Variants in ANKS6 observed in about 807,000 individuals in gnomAD.
ANKS6 encodes ankyrin repeat and SAM domain-containing protein 6.
In ANKS6, 47 loss-of-function variants were observed where a neutral mutation model predicts 77.9. The ratio of observed to expected loss-of-function variants is 0.60; its 90% CI spans 0.48 to 0.77. The LOEUF (loss-of-function observed/expected upper bound fraction) is 0.77, where lower values mean the gene tolerates loss of function less well. Ranked by LOEUF, ANKS6 falls within the 30% of genes least tolerant of loss-of-function variation. ANKS6 has a pLI of 0.00. For missense variants in ANKS6, 1,150 were observed against 1,159.1 expected (o/e 0.99, Z 0.11); for synonymous variants, 488 against 501.7 (o/e 0.97, Z 0.37).
chr9:98,736,475 C>A lies in ANKS6; in HGVS notation c.*44G>T. The A allele has an allele frequency of 6.4e-7, 1 of 1,560,008 alleles. No homozygotes were observed. Among genetic ancestry groups the A allele is most frequent in the Non-Finnish European group, 8.7e-7 (1 of 1,150,882 alleles). ...TGGGGCTGTGGCCACGTGAAGGGGT[C>A]CCGGGATTCAGAGAGCTCACGCTGG... is the stretch of plus-strand genomic sequence containing the variant. On this transcript the variant is annotated 3_prime_UTR_variant, in exon 15 of 15. Coordinates refer to ENST00000353234, the MANE Select transcript of ANKS6 (RefSeq NM_173551.5).
At position 98,796,085 on chromosome 9, in the gene ANKS6, G is replaced by A. The variant is rs1018797870; in HGVS notation, c.359+48C>T. The A allele has an allele frequency of 1.1e-5, 14 of 1,284,240 alleles. No individual in the cohort carries two copies. The African/African-American group carries it at 2.2e-4, about 20-fold the overall frequency. The allele number at this position is 1,284,240 out of a possible 1,614,324, so 79.6% of individuals were successfully genotyped here. ...CCGCCGGGGACCGCGTCTCGGGCCA[G>A]CGCCGGGCACCACTCTGGTCCCGGG... On this transcript the variant is annotated intron_variant, in intron 1 of 14. Coordinates refer to ENST00000353234, the MANE Select transcript of ANKS6 (RefSeq NM_173551.5).
At chr9:98,773,779 C>T in intron 9 of ANKS6, 98 bp downstream of exon 9, 1 of 1,184,920 alleles carries the variant, frequency 8.4e-7, no homozygotes. Context: ...AGTTGCAACC[C>T]CTCTGGATTC....
Position 98,778,520 on chromosome 9 carries a change from T to C in ANKS6, c.1369-96A>G, listed in dbSNP as rs548797829. 7.1e-5 allele frequency: 84 copies of C among 1,180,250 alleles called. 2 individuals carry two copies. In the South Asian group the frequency reaches 1.0e-3, roughly 15 times the overall value. The allele number at this position is 1,180,250 out of a possible 1,614,324, so 73.1% of individuals were successfully genotyped here. A position where few individuals can be genotyped will look rare whatever the true frequency, so the allele number is the denominator to read the frequency against. ...CCCAGAGACAGTGACTACATTCACA[T>C]GTGCCTGCCCTCCCCTCTCCTGGGG... On this transcript the variant is annotated intron_variant, in intron 6 of 14. Coordinates refer to ENST00000353234, the MANE Select transcript of ANKS6 (RefSeq NM_173551.5).
At chr9:98,765,330 G>A (rs1032547386) in intron 11 of ANKS6, among the ~76,000 whole-genome samples, 13 of 152,166 alleles carry the variant, frequency 8.5e-5, no homozygotes, top group Non-Finnish European at 1.6e-4. Context: ...CTCAATATCC[G>A]TTGAGTGGTA....
intron 11 of ANKS6, among the ~76,000 whole-genome samples, chr9:98,761,895 C>A (rs1833033669): frequency 6.6e-6 from 1 of 151,956 alleles, no homozygotes. Context: ...TTTTTTGTAC[C>A]TCAATATAAA....
chr9:98,774,190 C>T, intron 8 of ANKS6, 110 bp from the exon 9 acceptor site: 1 of 1,004,724 alleles, frequency 1.0e-6, no homozygotes, highest in East Asian at 3.1e-5. Context: ...CCATCCACCC[C>T]TCCACCCAAG....
chr9:98,786,402 C>T (rs1463147726), intron 2 of ANKS6, among the ~76,000 whole-genome samples: 1 of 151,934 alleles, frequency 6.6e-6, no homozygotes, highest in African/African-American at 2.4e-5. Flanking sequence ...AGCGATTCTC[C>T]TGCCTCTGCT....
chr9:98,796,188 C>A lies in ANKS6; in HGVS notation c.304G>T (p.Ala102Ser). The stretch of plus-strand genomic sequence containing the variant: ...TAGTGGTTGCGGCTGTTGACCGAGG[C>A]ACCGCGGCGCAGCAGGAAGCGCACC... ...PLVRFLLRRG[A>S]SVNSRNHYGW... The change falls in exon 1 of 15, where the codon GCC becomes TCC. Residue 102 changes from alanine to serine, a missense_variant. Transcript: ENST00000353234. 3 of 1,417,350 alleles carry A rather than the reference C, an allele frequency of 2.1e-6. No homozygotes were observed. Among genetic ancestry groups the A allele is most frequent in the South Asian group, 1.5e-5 (1 of 68,598 alleles). The allele number at this position is 1,417,350 out of a possible 1,614,324, so 87.8% of individuals were successfully genotyped here.
At chr9:98,745,701 C>T (rs1419068284) in intron 13 of ANKS6, 26 bp from the exon 14 acceptor site, 1 of 1,571,550 alleles carries the variant, frequency 6.4e-7, no homozygotes, top group Non-Finnish European at 8.8e-7. Context: ...GGATTTGCCA[C>T]CATCTGCTGG....
At position 98,785,504 on chromosome 9, in the gene ANKS6, G is replaced by A. The variant is rs150401381; in HGVS notation, c.863-628C>T. Among the ~76,000 whole-genome samples, 366 of 152,310 alleles carry A rather than the reference G, an allele frequency of 2.4e-3. 1 individual carries two copies. The highest frequency in any genetic ancestry group is 8.4e-3 in the African/African-American group (350 of 41,556). Reference sequence around the variant, plus strand: ...GAAGCCCAGCTGCTAGGCTGGGGCCGGACCCCATGCCTACCTGCACAGCTG... The same window carrying A: ...GAAGCCCAGCTGCTAGGCTGGGGCCAGACCCCATGCCTACCTGCACAGCTG... On this transcript the variant is annotated intron_variant, in intron 2 of 14. Coordinates refer to ENST00000353234, the MANE Select transcript of ANKS6 (RefSeq NM_173551.5).
At chr9:98,778,130 T>G in intron 7 of ANKS6, 96 bp downstream of exon 7, 1 of 1,407,648 alleles carries the variant, frequency 7.1e-7, no homozygotes, top group Non-Finnish European at 9.7e-7. Flanking sequence ...CAACATCATC[T>G]TACCCCTGAC....
chr9:98,758,579 C>T (rs191030805), intron 11 of ANKS6, among the ~76,000 whole-genome samples: 10 of 152,180 alleles, frequency 6.6e-5, no homozygotes, highest in Admixed American at 4.6e-4. Flanking sequence ...ATACACTAAC[C>T]GATGTATACA....
intron 1 of ANKS6, among the ~76,000 whole-genome samples, chr9:98,794,741 G>A (rs554696453): frequency 1.5e-4 from 23 of 152,254 alleles, no homozygotes; most frequent in African/African-American, 4.1e-4. Flanking sequence ...CCCTGTGCAC[G>A]CACTTGGTGG....
Position 98,789,428 on chromosome 9 carries a change from TAAAAA to T in ANKS6, c.862+671_862+675del, listed in dbSNP as rs11437180. Reference sequence around the variant, plus strand: ...ACATGCCAGAGAGATGGCAAGAAGTTAAAAAAAAAAAAAAAAAAAAGATGCACTGC... The same window carrying T: ...ACATGCCAGAGAGATGGCAAGAAGTTAAAAAAAAAAAAAAAGATGCACTGC... On this transcript the variant is annotated intron_variant, in intron 2 of 14. Coordinates refer to ENST00000353234, the MANE Select transcript of ANKS6 (RefSeq NM_173551.5). Among the ~76,000 whole-genome samples the T allele has an allele frequency of 3.8e-5, 5 of 129,968 alleles. No individual in the cohort carries two copies. The South Asian group carries it at 1.3e-3, about 33-fold the overall frequency. 85.3% of individuals were successfully genotyped at this position (129,968 alleles called of 152,430 possible).
Position 98,732,366 on chromosome 9 carries a change from A to G in ANKS6, c.*4153T>C. On this transcript the variant is annotated 3_prime_UTR_variant, in exon 15 of 15. Transcript: ENST00000353234. ...GGATCAGCTTCTACGACTTGGTCAA[A>G]CTATCTTTCTTTCTGTCTGCCATGC... The G allele has an allele frequency of 9.7e-7, 1 of 1,033,822 alleles. No homozygotes were observed. Among genetic ancestry groups the G allele is most frequent in the Non-Finnish European group, 1.4e-6 (1 of 717,992 alleles). The allele number at this position is 1,033,822 out of a possible 1,614,324, so 64.0% of individuals were successfully genotyped here.
intron 1 of ANKS6, among the ~76,000 whole-genome samples, chr9:98,795,519 T>C (rs1835126187): frequency 6.6e-6 from 1 of 152,172 alleles, no homozygotes; most frequent in Admixed American, 6.5e-5. Context: ...GCATACCTCA[T>C]TCTACCAGTC....
intron 11 of ANKS6, among the ~76,000 whole-genome samples, chr9:98,762,613 T>C (rs535373732): frequency 6.6e-6 from 1 of 152,262 alleles, no homozygotes; most frequent in East Asian, 1.9e-4. Flanking sequence ...TAATGATGAA[T>C]GGATTTTAAA....
At chr9:98,757,101 T>C (rs780278516) in intron 11 of ANKS6, among the ~76,000 whole-genome samples, 2 of 152,238 alleles carry the variant, frequency 1.3e-5, no homozygotes, top group Non-Finnish European at 2.9e-5. Context: ...AAAATAATTC[T>C]AGACGTATAG....
Position 98,733,151 on chromosome 9 carries a change from C to T in ANKS6, c.*3368G>A, listed in dbSNP as rs1291978553. 3 of 963,580 alleles carry T rather than the reference C, an allele frequency of 3.1e-6. No individual in the cohort carries two copies. Among genetic ancestry groups the T allele is most frequent in the African/African-American group, 1.8e-5 (1 of 56,696 alleles). 59.7% of individuals were successfully genotyped at this position (963,580 alleles called of 1,614,324 possible). A position where few individuals can be genotyped will look rare whatever the true frequency, so the allele number is the denominator to read the frequency against. ...TCCTTTTTCATCTTTGGAGACAGAG[C>T]GTACGAGTAGGGCTGGCACAGGGTA... On this transcript the variant is annotated 3_prime_UTR_variant, in exon 15 of 15. Coordinates refer to ENST00000353234, the MANE Select transcript of ANKS6 (RefSeq NM_173551.5).
Sources: gnomAD v4.1 joint callset for allele counts (sites outside exome capture counted in the v4.1 genomes callset) on GRCh38, gnomAD v4.1.1 for gene constraint, MANE v1.5 for transcripts, NCBI Gene and HGNC (gene_info 2026-07-23, HGNC 2026-07-21) for gene names.